SIDT1: variants seen among roughly 807,000 people sequenced by gnomAD.
The protein encoded by SIDT1 is SID1 transmembrane family member 1, also known as SID1 transmembrane family, member 1.
Under a neutral mutation model 107.5 loss-of-function variants are expected in SIDT1, and 101 were observed. That is an observed-to-expected ratio of 0.94 (90% confidence interval 0.80 to 1.11). The LOEUF is 1.11. Among genes scored for constraint, SIDT1 ranks in the 50% least tolerant of loss-of-function variants. The probability of loss-of-function intolerance (pLI) is 0.00; values close to 1 mark genes in which losing one functional copy is unlikely to be tolerated. For synonymous variants in SIDT1, 395 were observed against 398.2 expected, an observed-to-expected ratio of 0.99 and a Z score of 0.10; for missense variants, 1,076 against 1,058.2, an observed-to-expected ratio of 1.02 and a Z score of -0.23.
intron 4 of SIDT1, among the ~76,000 whole-genome samples, chr3:113,578,466 C>CA (rs1180260673): frequency 0.094 from 7,001 of 74,866 alleles, 358 homozygotes; most frequent in Middle Eastern, 0.23. Flanking sequence ...GACTCTGTCT[C>CA]AAAAAAAAAA....
intron 1 of SIDT1, among the ~76,000 whole-genome samples, chr3:113,544,918 C>A (rs1277228759): frequency 6.6e-6 from 1 of 151,912 alleles, no homozygotes. Flanking sequence ...AGTTTGAGAC[C>A]AGCCTGACCA....
At chr3:113,535,403 A>G (rs1938022952) in intron 1 of SIDT1, among the ~76,000 whole-genome samples, 1 of 152,376 alleles carries the variant, frequency 6.6e-6, no homozygotes, top group South Asian at 2.1e-4. Flanking sequence ...ACTGTTTTCA[A>G]TTCAATAGTT....
chr3:113,580,644 G>T lies in SIDT1; in HGVS notation c.598G>T (p.Val200Phe). Reference protein sequence around the residue: ...LYKFPKDVDSVIIKVVSEMAY... With the variant: ...LYKFPKDVDSFIIKVVSEMAY... ...CAAGTTTCCCAAAGACGTGGACTCA[G>T]TTATCATTAAAGTGGTGTCTGAAAT... The change falls in exon 5 of 25, where the codon GTT becomes TTT. Residue 200 changes from valine to phenylalanine, a missense_variant. Coordinates refer to ENST00000264852, the MANE Select transcript of SIDT1 (RefSeq NM_017699.3). 6.2e-7 allele frequency: 1 copy of T among 1,612,662 alleles called. No individual in the cohort carries two copies.
chr3:113,601,845 T>A (rs1944981406), intron 11 of SIDT1, 186 bp downstream of exon 11: 1 of 524,164 alleles, frequency 1.9e-6, no homozygotes. Context: ...CTTTCTCCAG[T>A]TCTGTTGTTC....
intron 24 of SIDT1, among the ~76,000 whole-genome samples, chr3:113,626,578 TTCCTCCTCC>T (rs756561839): frequency 6.6e-6 from 1 of 151,512 alleles, no homozygotes; most frequent in African/African-American, 2.4e-5. Flanking sequence ...CATACTCACA[TTCCTCCTCC>T]TCCTCCTCCT....
At chr3:113,616,034 G>T (rs1280490012) in intron 19 of SIDT1, 66 bp from the exon 20 acceptor site, 3 of 1,113,556 alleles carry the variant, frequency 2.7e-6, no homozygotes, top group African/African-American at 3.1e-5. Context: ...AAAACCTTGG[G>T]CCACTTCAGA....
chr3:113,550,216 C>T lies in SIDT1; in HGVS notation c.223-16204C>T, dbSNP rs74582921. Among the ~76,000 whole-genome samples, 1,255 of 152,262 alleles carry T rather than the reference C, an allele frequency of 8.2e-3. 15 individuals carry two copies. Among genetic ancestry groups the T allele is most frequent in the East Asian group, 0.063 (329 of 5,184 alleles). On this transcript the variant is annotated intron_variant, in intron 1 of 24. Transcript: ENST00000264852. ...TCTCTGCTTCTCCTATCCTTTTTGT[C>T]TTTCAAATTTCTTATGAACATGGTC...
At chr3:113,622,260 C>G (rs1385477954) in intron 21 of SIDT1, among the ~76,000 whole-genome samples, 1 of 151,790 alleles carries the variant, frequency 6.6e-6, no homozygotes, top group Non-Finnish European at 1.5e-5. Context: ...ATCAGGAGTT[C>G]AAGACCAGCC....
At chr3:113,567,300 G>A (rs754995957) in intron 2 of SIDT1, among the ~76,000 whole-genome samples, 6 of 152,134 alleles carry the variant, frequency 3.9e-5, no homozygotes, top group South Asian at 2.1e-4. Flanking sequence ...TGTAGATACC[G>A]CTTAAGTGAA....
At chr3:113,546,102 A>G (rs566418832) in intron 1 of SIDT1, among the ~76,000 whole-genome samples, 1 of 152,212 alleles carries the variant, frequency 6.6e-6, no homozygotes, top group South Asian at 2.1e-4. Flanking sequence ...ACCAGGAGAC[A>G]CGTGTTTTTA....
intron 4 of SIDT1, among the ~76,000 whole-genome samples, chr3:113,577,663 C>T (rs1408647527): frequency 6.6e-6 from 1 of 152,210 alleles, no homozygotes; most frequent in Non-Finnish European, 1.5e-5. Flanking sequence ...GAAGACAAAA[C>T]TCTATATAAT....
intron 2 of SIDT1, among the ~76,000 whole-genome samples, chr3:113,567,009 T>C (rs953862896): frequency 1.3e-5 from 2 of 152,148 alleles, no homozygotes; most frequent in African/African-American, 4.8e-5. Flanking sequence ...CGAGTTTCTA[T>C]TTTTTCAGGG....
At chr3:113,595,454 C>A (rs1944476121) in intron 10 of SIDT1, among the ~76,000 whole-genome samples, 1 of 152,062 alleles carries the variant, frequency 6.6e-6, no homozygotes, top group Admixed American at 6.5e-5. Context: ...GTGGTGTGCA[C>A]CTGTGCTCCA....
Position 113,533,255 on chromosome 3 carries a change from G to T in SIDT1, c.222+12G>T, listed in dbSNP as rs758781002. 7.0e-7 allele frequency: 1 copy of T among 1,433,760 alleles called. No individual in the cohort carries two copies. The highest frequency in any genetic ancestry group is 9.2e-7 in the Non-Finnish European group (1 of 1,085,858). The allele number at this position is 1,433,760 out of a possible 1,614,324, so 88.8% of individuals were successfully genotyped here. On this transcript the variant is annotated intron_variant, in intron 1 of 24. Coordinates refer to ENST00000264852, the MANE Select transcript of SIDT1 (RefSeq NM_017699.3). ...GCCAGCCCGACCAGGTAAGACACTC[G>T]CTCCCCTCGCTCGACTCCTAGAACT...
chr3:113,607,713 G>A (rs114763318), intron 15 of SIDT1, among the ~76,000 whole-genome samples: 4,534 of 152,320 alleles, frequency 0.03, 233 homozygotes, highest in African/African-American at 0.1. Context: ...TTAGAGAGCT[G>A]AACATTGACA....
chr3:113,559,897 C>CT (rs1364522955), intron 1 of SIDT1, among the ~76,000 whole-genome samples: 1 of 152,112 alleles, frequency 6.6e-6, no homozygotes, highest in East Asian at 1.9e-4. Context: ...TCTTCCCCTC[C>CT]TGTATGGTGT....
intron 1 of SIDT1, among the ~76,000 whole-genome samples, chr3:113,563,121 T>C (rs1054874646): frequency 1.3e-5 from 2 of 152,084 alleles, no homozygotes; most frequent in Admixed American, 6.6e-5. Flanking sequence ...GAAACAGTAA[T>C]TGGACATGAC....
chr3:113,539,369 T>C (rs1576686894), intron 1 of SIDT1, among the ~76,000 whole-genome samples: 3 of 152,216 alleles, frequency 2.0e-5, no homozygotes. Context: ...GACAGCTTCC[T>C]TGCTTTCTTG....
In SIDT1 at chr3:113,583,405, G is replaced by A; in HGVS notation, c.748-4G>A. The A allele has an allele frequency of 6.3e-7, 1 of 1,595,578 alleles. No homozygotes were observed. Among genetic ancestry groups the A allele is most frequent in the Non-Finnish European group, 8.6e-7 (1 of 1,166,980 alleles). ...CTATCATAAGGTTGTTATGTCTTAT[G>A]CAGAAGAAGGATTTTCCAGGCGAGC... On this transcript the variant is annotated splice_region_variant and splice_polypyrimidine_tract_variant and intron_variant, in intron 6 of 24. Transcript: ENST00000264852.
Sources: allele counts gnomAD v4.1 joint callset (sites outside exome capture counted in the v4.1 genomes callset), GRCh38; gene constraint gnomAD v4.1.1; transcripts MANE v1.5; gene names NCBI Gene and HGNC (gene_info 2026-07-23, HGNC 2026-07-21).